Variants in SFI1 observed in about 807,000 individuals in gnomAD.
SFI1 encodes SFI1 centrin binding protein, also known as protein SFI1 homolog.
Under a neutral mutation model 207.5 loss-of-function variants are expected in SFI1, and 195 were observed. The ratio of observed to expected loss-of-function variants is 0.94; its 90% CI spans 0.84 to 1.06. The LOEUF (loss-of-function observed/expected upper bound fraction) is 1.06, where lower values mean the gene tolerates loss of function less well. Among genes scored for constraint, SFI1 ranks in the 50% least tolerant of loss-of-function variants. The pLI, the probability that SFI1 is intolerant of heterozygous loss-of-function variation, is 0.00. For missense variants in SFI1, 1,634 were observed against 1,588.0 expected, an observed-to-expected ratio of 1.03 and a Z score of -0.49; for synonymous variants, 630 against 598.9, an observed-to-expected ratio of 1.05 and a Z score of -0.76.
intron 6 of SFI1, among the ~76,000 whole-genome samples, chr22:31,550,997 G>C (rs1397210165): frequency 6.6e-6 from 1 of 152,114 alleles, no homozygotes; most frequent in Non-Finnish European, 1.5e-5. Context: ...CTTAGGAATG[G>C]TGTCCATTCC....
In SFI1 at chr22:31,604,850, T is replaced by TCTTCCTTGTCCCCTACAGA. The variant is rs771723194; in HGVS notation, c.1978-15_1981dup. On this transcript the variant is annotated intron_variant, in intron 19 of 32. Transcript: ENST00000400288. Reference sequence around the variant, plus strand: ...AGTGTGGGCCCAAGAGCAGCCTCAGTCTTCCTTGTCCCCTACAGACTTACC... The same window carrying TCTTCCTTGTCCCCTACAGA: ...AGTGTGGGCCCAAGAGCAGCCTCAGTCTTCCTTGTCCCCTACAGACTTCCTTGTCCCCTACAGACTTACC... The TCTTCCTTGTCCCCTACAGA allele has an allele frequency of 1.2e-5, 20 of 1,607,504 alleles. No individual in the cohort carries two copies. In the African/African-American group the frequency reaches 2.4e-4, roughly 19 times the overall value.
intron 15 of SFI1, 116 bp from the exon 16 acceptor site, chr22:31,602,096 C>A: frequency 1.1e-6 from 1 of 870,632 alleles, no homozygotes; most frequent in Non-Finnish European, 1.9e-6. Context: ...CTTAATTCAC[C>A]TCTTATACGA....
At chr22:31,589,408 A>T in intron 14 of SFI1, 39 bp from the exon 15 acceptor site, 1 of 1,492,884 alleles carries the variant, frequency 6.7e-7, no homozygotes, top group African/African-American at 1.4e-5. Context: ...TTAAAAAAAA[A>T]AAAGTTAAGT....
At chr22:31,602,545 CT>C in intron 16 of SFI1, 61 bp from the exon 17 acceptor site, 1 of 1,577,768 alleles carries the variant, frequency 6.3e-7, no homozygotes, top group Non-Finnish European at 8.7e-7. Context: ...AAATTCTTTC[CT>C]GGCTTCTGTG....
intron 27 of SFI1, 65 bp from the exon 28 acceptor site, chr22:31,614,724 G>A (rs577474775): frequency 7.0e-6 from 11 of 1,564,856 alleles, no homozygotes; most frequent in African/African-American, 1.4e-5. Flanking sequence ...AGATCCCACA[G>A]AGATCTCAGA....
intron 1 of SFI1, among the ~76,000 whole-genome samples, chr22:31,497,900 A>G (rs1289647301): frequency 6.6e-6 from 1 of 152,240 alleles, no homozygotes; most frequent in Admixed American, 6.5e-5. Flanking sequence ...ATGAAGATGT[A>G]CAAAGAGATT....
intron 15 of SFI1, among the ~76,000 whole-genome samples, chr22:31,593,477 TGGC>T (rs557506862): frequency 0.03 from 4,045 of 134,286 alleles, 72 homozygotes; most frequent in South Asian, 0.065. Flanking sequence ...CTAGATGGGA[TGGC>T]GGCCGGGTGG....
At chr22:31,521,033 T>C in intron 2 of SFI1, among the ~76,000 whole-genome samples, 1 of 134,888 alleles carries the variant, frequency 7.4e-6, no homozygotes, top group East Asian at 2.1e-4. Flanking sequence ...AAAAGTAGAG[T>C]TCAAGACCAG....
chr22:31,501,846 A>G (rs1674177925), intron 1 of SFI1, among the ~76,000 whole-genome samples: 1 of 152,224 alleles, frequency 6.6e-6, no homozygotes, highest in Non-Finnish European at 1.5e-5. Flanking sequence ...TGTAGTTGGC[A>G]CATTCCTCAT....
At position 31,618,155 on chromosome 22, in the gene SFI1, G is replaced by C. The variant is rs201208581; in HGVS notation, c.3553G>C (p.Glu1185Gln). The change falls in exon 32 of 33, where the codon GAG (glutamate) becomes CAG (glutamine). Residue 1185 changes from glutamate to glutamine, a missense_variant. Glu to Gln is a conservative substitution (Grantham distance 29). Coordinates refer to ENST00000400288, the MANE Select transcript of SFI1 (RefSeq NM_001007467.3). The part of the protein sequence containing the change: ...RQASSLRRWL[E>Q]LNREEPGPED... ...AGCGAGCAGCCTGCGCAGGTGGCTGGAGCTGAACAGAGAGGAGCCGGGGCC... is the reference window on the plus strand; with the variant it reads ...AGCGAGCAGCCTGCGCAGGTGGCTGCAGCTGAACAGAGAGGAGCCGGGGCC... 799 of 1,590,356 alleles carry C rather than the reference G, an allele frequency of 5.0e-4. 1 individual carries two copies. The highest frequency in any genetic ancestry group is 6.6e-4 in the Non-Finnish European group (773 of 1,170,710).
At position 31,497,143 on chromosome 22, in the gene SFI1, T is replaced by C. The variant is rs1345051888; in HGVS notation, c.-31+506T>C. The C allele has an allele frequency of 2.6e-5, 4 of 152,386 alleles. No individual in the cohort carries two copies. The East Asian group carries it at 7.7e-4, about 29-fold the overall frequency. The allele number at this position is 152,386 out of a possible 1,614,324, so 9.4% of individuals were successfully genotyped here. On this transcript the variant is annotated intron_variant, in intron 1 of 32. Transcript: ENST00000400288. ...GTGGGTACCTGTTTTTATGGGAGGC[T>C]GTTCAGGTTTCTTAACTGCTGTGTA...
chr22:31,561,443 C>T, intron 8 of SFI1, 51 bp downstream of exon 8: 1 of 1,510,270 alleles, frequency 6.6e-7, no homozygotes, highest in Non-Finnish European at 9.1e-7. Context: ...GTTGTCAAGC[C>T]TCTCACCCAC....
chr22:31,541,279 C>G (rs1158510007), intron 4 of SFI1, among the ~76,000 whole-genome samples: 1 of 152,096 alleles, frequency 6.6e-6, no homozygotes, highest in Non-Finnish European at 1.5e-5. Flanking sequence ...ACTCTCTTGC[C>G]TAAAATTGAC....
chr22:31,607,502 C>G (rs1048118881), intron 21 of SFI1: 26 of 151,924 alleles, frequency 1.7e-4, no homozygotes, highest in African/African-American at 4.6e-4. Flanking sequence ...ACTCAGAAGG[C>G]TGAGGCAGGA....
chr22:31,571,055 G>A (rs1341233834), intron 8 of SFI1, among the ~76,000 whole-genome samples: 2 of 152,234 alleles, frequency 1.3e-5, no homozygotes, highest in Admixed American at 6.5e-5. Flanking sequence ...GAGACAGAAA[G>A]ATTAGAAAAT....
chr22:31,496,683 C>G (rs2052696500), intron 1 of SFI1, 46 bp downstream of exon 1: 1 of 152,266 alleles, frequency 6.6e-6, no homozygotes, highest in Admixed American at 6.5e-5. Context: ...TGGGCTCGGC[C>G]TTTCCGGCAG....
chr22:31,612,883 G>C (rs543689903), intron 24 of SFI1: 7 of 500,714 alleles, frequency 1.4e-5, no homozygotes, highest in Admixed American at 1.3e-4. Context: ...ACCATTCCCC[G>C]GACCTCAGGC....
At chr22:31,510,117 G>A (rs1230761994) in intron 2 of SFI1, among the ~76,000 whole-genome samples, 2 of 151,608 alleles carry the variant, frequency 1.3e-5, no homozygotes, top group South Asian at 2.1e-4. Flanking sequence ...GGTGTTGAGC[G>A]ATAGTGCTCG....
At chr22:31,587,266 G>C in intron 14 of SFI1, 6 of 321,954 alleles carry the variant, frequency 1.9e-5, no homozygotes, top group South Asian at 1.5e-4. Context: ...GATGCATACA[G>C]GAGGACTGTG....
Sources: allele counts gnomAD v4.1 joint callset (sites outside exome capture counted in the v4.1 genomes callset), GRCh38; gene constraint gnomAD v4.1.1; transcripts MANE v1.5; gene names NCBI Gene and HGNC (gene_info 2026-07-23, HGNC 2026-07-21).